ZNF729: variants seen among roughly 807,000 people sequenced by gnomAD.
ZNF729 encodes zinc finger protein 729.
ZNF729 carries 15 observed loss-of-function variants against 12.2 expected under a neutral mutation model. That is an observed-to-expected ratio of 1.23 (90% CI 0.82 to 1.89). The LOEUF is 1.89. ZNF729 is among the 40% of genes most tolerant of loss of function. The probability of loss-of-function intolerance (pLI) is 0.00; values close to 1 mark genes in which losing one functional copy is unlikely to be tolerated. For missense variants in ZNF729, 1,540 were observed against 1,456.7 expected, an observed-to-expected ratio of 1.06 and a Z score of -0.93; for synonymous variants, 492 against 476.3, an observed-to-expected ratio of 1.03 and a Z score of -0.43.
Position 22,313,824 on chromosome 19 carries a change from A to C in ZNF729, c.407A>C (p.Lys136Thr), listed in dbSNP as rs1331815052. The C allele has an allele frequency of 6.3e-7, 1 of 1,587,922 alleles. No individual in the cohort carries two copies. Among genetic ancestry groups the C allele is most frequent in the African/African-American group, 1.3e-5 (1 of 74,592 alleles). The part of the protein sequence containing the change: ...CKSANEGKMH[K>T]EGYNKLNQCR... ...AGTGCCAATGAGGGTAAGATGCACA[A>C]AGAAGGTTATAATAAACTTAACCAA... is the stretch of plus-strand genomic sequence containing the variant. Residue 136 changes from lysine (K) to threonine (T), a missense_variant, in exon 4 of 4, where the codon AAA becomes ACA. Coordinates refer to ENST00000601693, the MANE Select transcript of ZNF729 (RefSeq NM_001242680.2).
chr19:22,305,057 G>C (rs1036275347), intron 3 of ZNF729, among the ~76,000 whole-genome samples: 2 of 152,198 alleles, frequency 1.3e-5, no homozygotes, highest in African/African-American at 4.8e-5. Flanking sequence ...TGCACAGTCT[G>C]ACTGCTTTTC....
At chr19:22,294,273 A>ATTTC (rs1968194611) in intron 1 of ZNF729, among the ~76,000 whole-genome samples, 1 of 148,532 alleles carries the variant, frequency 6.7e-6, no homozygotes, top group Non-Finnish European at 1.5e-5. Flanking sequence ...TCAGTTGGTT[A>ATTTC]TAGGCGTGTG....
chr19:22,289,426 C>T (rs1205925944), intron 1 of ZNF729, among the ~76,000 whole-genome samples: 6 of 151,800 alleles, frequency 4.0e-5, no homozygotes, highest in Admixed American at 6.6e-5. Context: ...GGGGTTTCAC[C>T]GTGTTAGCCA....
intron 1 of ZNF729, among the ~76,000 whole-genome samples, chr19:22,297,017 G>A (rs984705841): frequency 1.3e-5 from 2 of 152,136 alleles, no homozygotes; most frequent in African/African-American, 4.8e-5. Context: ...GTCAATTTGA[G>A]AGTATGTGCC....
At position 22,315,456 on chromosome 19, in the gene ZNF729, G is replaced by A. The variant is rs752456067; in HGVS notation, c.2039G>A (p.Gly680Glu). The A allele has an allele frequency of 6.2e-7, 1 of 1,612,436 alleles. No homozygotes were observed. The highest frequency in any genetic ancestry group is 1.7e-5 in the Admixed American group (1 of 59,972). ...ALRRHKIIHT[G>E]KKPYKCEECG... ...AGAAGACATAAGATAATTCATACTGGAAAGAAACCGTACAAATGTGAAGAA... is the reference window on the plus strand; with the variant it reads ...AGAAGACATAAGATAATTCATACTGAAAAGAAACCGTACAAATGTGAAGAA... The change falls in exon 4 of 4, where the codon GGA becomes GAA. Residue 680 changes from glycine to glutamate, a missense_variant. Physicochemically the swap from Gly to Glu is moderately conservative, Grantham distance 98. Transcript: ENST00000601693.
Position 22,314,361 on chromosome 19 carries a change from C to T in ZNF729, c.944C>T (p.Thr315Ile). 2 of 1,586,998 alleles carry T rather than the reference C, an allele frequency of 1.3e-6. No homozygotes were observed. The highest frequency in any genetic ancestry group is 1.3e-5 in the African/African-American group (1 of 74,868). Residue 315 changes from threonine to isoleucine, a missense_variant, in exon 4 of 4, where the codon ACT (threonine) becomes ATT (isoleucine). Transcript: ENST00000601693. Reference sequence around the variant, plus strand: ...TTTAATGCACATAAGGTAATTCATACTGCAGAGAAACCCTACAAATGTGAA... The same window carrying T: ...TTTAATGCACATAAGGTAATTCATATTGCAGAGAAACCCTACAAATGTGAA... ...SNFNAHKVIH[T>I]AEKPYKCEDC...
chr19:22,316,529 C>G lies in ZNF729; in HGVS notation c.3112C>G (p.His1038Asp), dbSNP rs755067024. ...TAACAATTTCTCAGCCCTTATGAAA[C>G]ATAAGATAATTCATACTGGGGAGAA... ...AFNNFSALMK[H>D]KIIHTGEKPY... is the part of the protein sequence containing the mutation. The change falls in exon 4 of 4, where the codon CAT (histidine) becomes GAT (aspartate). Residue 1038 changes from histidine to aspartate, a missense_variant. By Grantham distance (81) the His-to-Asp change is moderately conservative. Transcript: ENST00000601693. 2.4e-5 allele frequency: 39 copies of G among 1,613,536 alleles called. No individual in the cohort carries two copies. Among genetic ancestry groups the G allele is most frequent in the Admixed American group, 3.3e-5 (2 of 59,968 alleles).
At chr19:22,288,557 G>C (rs1968111325) in intron 1 of ZNF729, among the ~76,000 whole-genome samples, 1 of 152,146 alleles carries the variant, frequency 6.6e-6, no homozygotes, top group African/African-American at 2.4e-5. Flanking sequence ...GAGGTATGGA[G>C]TGTAGCCTTT....
intron 1 of ZNF729, among the ~76,000 whole-genome samples, chr19:22,287,848 C>CTTTT (rs542002326): frequency 7.2e-6 from 1 of 138,286 alleles, no homozygotes. Flanking sequence ...ACTATTTGTC[C>CTTTT]TTTTTTTTTT....
chr19:22,295,812 T>G (rs1176856907), intron 1 of ZNF729, among the ~76,000 whole-genome samples: 1 of 152,230 alleles, frequency 6.6e-6, no homozygotes, highest in Non-Finnish European at 1.5e-5. Context: ...GAATGCCTAG[T>G]TTGTTGAGGA....
Position 22,316,256 on chromosome 19 carries a change from G to T in ZNF729, c.2839G>T (p.Asp947Tyr), listed in dbSNP as rs878976551. 1 of 1,611,082 alleles carries T rather than the reference G, an allele frequency of 6.2e-7. No individual in the cohort carries two copies. Among genetic ancestry groups the T allele is most frequent in the Non-Finnish European group, 8.5e-7 (1 of 1,178,994 alleles). ...KCEECGKAFN[D>Y]SSTLMKHKII... ...TGAAGAATGTGGCAAAGCTTTTAAT[G>T]ATTCCTCAACCCTTATGAAGCATAA... The change falls in exon 4 of 4, where the codon GAT becomes TAT. Residue 947 changes from aspartate to tyrosine, a missense_variant. Asp to Tyr is a radical substitution (Grantham distance 160). Coordinates refer to ENST00000601693, the MANE Select transcript of ZNF729 (RefSeq NM_001242680.2).
chr19:22,303,827 C>T lies in ZNF729; in HGVS notation c.100C>T (p.Gln34Ter). ...LEEWQCLDTV[Q>*]QNLYRDVMLE... ...GGAGTGGCAATGCCTGGACACGGTTCAGCAGAATTTATATAGGGATGTGAT... is the reference window on the plus strand; with the variant it reads ...GGAGTGGCAATGCCTGGACACGGTTTAGCAGAATTTATATAGGGATGTGAT... Residue 34 changes from glutamine to a stop codon, truncating the protein, a stop_gained, in exon 2 of 4, where the codon CAG becomes TAG. Coordinates refer to ENST00000601693, the MANE Select transcript of ZNF729 (RefSeq NM_001242680.2). LOFTEE classifies it high-confidence loss of function. The T allele has an allele frequency of 2.5e-6, 4 of 1,576,422 alleles. No homozygotes were observed. In the South Asian group the frequency reaches 3.3e-5, roughly 13 times the overall value.
chr19:22,293,494 A>AT (rs56180581), intron 1 of ZNF729, among the ~76,000 whole-genome samples: 4,736 of 96,036 alleles, frequency 0.049, 293 homozygotes, highest in Middle Eastern at 0.067. Context: ...CCTTTTGTCT[A>AT]TTTTTTTTTT....
intron 1 of ZNF729, 122 bp from the exon 2 acceptor site, chr19:22,303,636 C>A: frequency 4.6e-6 from 4 of 862,142 alleles, no homozygotes; most frequent in South Asian, 1.8e-5. Flanking sequence ...TGGATATGTT[C>A]GGTCATCCCT....
rs779850445 is a variant in ZNF729 at position 22,303,784 on chromosome 19, C to T, written c.57C>T (p.Thr19=). The change falls in exon 2 of 4, where the codon ACC becomes ACT. Residue 19 remains threonine (T), a synonymous_variant. Transcript: ENST00000601693. The stretch of plus-strand genomic sequence containing the variant: ...GACCATTGACATTTAGAGATGTGAC[C>T]ATAGAATTCTCTCTGGAGGAGTGGC... ...EMGPLTFRDV[T]IEFSLEEWQC... The T allele has an allele frequency of 1.9e-6, 3 of 1,571,764 alleles. No homozygotes were observed. Among genetic ancestry groups the T allele is most frequent in the Non-Finnish European group, 2.6e-6 (3 of 1,153,922 alleles).
chr19:22,316,663 CA>C lies in ZNF729; in HGVS notation c.3249del (p.Ala1084LeufsTer13), dbSNP rs748879271. 1.9e-6 allele frequency: 3 copies of C among 1,612,506 alleles called. No individual in the cohort carries two copies. In the African/African-American group the frequency reaches 4.0e-5, roughly 22 times the overall value. ...EKPCKCEECDKAFKHFSALRK... is the reference protein window; with the variant it reads ...EKPCKCEECDXAFKHFSALRK... Reference sequence around the variant, plus strand: ...AACCCTGCAAATGTGAAGAATGTGACAAAGCTTTTAAGCATTTCTCAGCCCT... The same window carrying C: ...AACCCTGCAAATGTGAAGAATGTGACAAGCTTTTAAGCATTTCTCAGCCCT... On this transcript the variant is annotated frameshift_variant, in exon 4 of 4. Coordinates refer to ENST00000601693, the MANE Select transcript of ZNF729 (RefSeq NM_001242680.2). LOFTEE classifies it low-confidence loss of function (END_TRUNC).
At chr19:22,298,316 T>A (rs1186852284) in intron 1 of ZNF729, among the ~76,000 whole-genome samples, 2 of 151,312 alleles carry the variant, frequency 1.3e-5, no homozygotes, top group African/African-American at 4.9e-5. Flanking sequence ...ATATAAAAAA[T>A]ATAGTGTTTT....
intron 1 of ZNF729, among the ~76,000 whole-genome samples, chr19:22,301,960 C>G (rs545983752): frequency 2.0e-5 from 3 of 152,310 alleles, no homozygotes; most frequent in Non-Finnish European, 2.9e-5. Context: ...CCTGGCTCAT[C>G]ATTGGGTCAT....
intron 1 of ZNF729, among the ~76,000 whole-genome samples, chr19:22,287,964 A>G (rs1241902290): frequency 6.8e-6 from 1 of 147,628 alleles, no homozygotes; most frequent in Non-Finnish European, 1.5e-5. Context: ...TCCTGCCTCA[A>G]CCTCCTGAGT....
Sources: gnomAD v4.1 joint callset for allele counts (sites outside exome capture counted in the v4.1 genomes callset) on GRCh38, gnomAD v4.1.1 for gene constraint, MANE v1.5 for transcripts, NCBI Gene and HGNC (gene_info 2026-07-23, HGNC 2026-07-21) for gene names.